PTPRQ: variants seen among roughly 807,000 people sequenced by gnomAD.
The protein encoded by PTPRQ is phosphatidylinositol phosphatase PTPRQ.
Under a neutral mutation model 246.0 loss-of-function variants are expected in PTPRQ, and 199 were observed. That is an observed-to-expected ratio of 0.81 (90% CI 0.72 to 0.91). The LOEUF is 0.91. PTPRQ is among the 40% of genes least tolerant of loss of function. PTPRQ has a pLI of 0.00. For synonymous variants in PTPRQ, 869 were observed against 853.2 expected (o/e 1.02, Z -0.32); for missense variants, 2,624 against 2,528.4 (o/e 1.04, Z -0.81).
chr12:80,622,454 GGTA>G (rs1240489038), intron 33 of PTPRQ, among the ~76,000 whole-genome samples: 1 of 151,974 alleles, frequency 6.6e-6, no homozygotes, highest in Non-Finnish European at 1.5e-5. Flanking sequence ...ATAACAGGAT[GGTA>G]GTGGTGGTGG....
chr12:80,620,123 G>C, intron 31 of PTPRQ, 31 bp from the exon 32 acceptor site: 1 of 1,514,058 alleles, frequency 6.6e-7, no homozygotes, highest in Non-Finnish European at 8.8e-7. Flanking sequence ...ATGTTACTTG[G>C]AATTATTGTT....
chr12:80,501,758 A>G (rs1894805580), intron 14 of PTPRQ, among the ~76,000 whole-genome samples: 2 of 151,978 alleles, frequency 1.3e-5, no homozygotes, highest in African/African-American at 4.8e-5. Context: ...AGCCAAGTGA[A>G]TAAAGATTTT....
chr12:80,644,549 C>T (rs980485682), intron 35 of PTPRQ, among the ~76,000 whole-genome samples: 1 of 151,976 alleles, frequency 6.6e-6, no homozygotes, highest in African/African-American at 2.4e-5. Flanking sequence ...TCACTTCATT[C>T]GAAACTAGCA....
intron 25 of PTPRQ, among the ~76,000 whole-genome samples, chr12:80,572,386 C>T (rs1267621052): frequency 6.6e-6 from 1 of 151,896 alleles, no homozygotes; most frequent in South Asian, 2.1e-4. Flanking sequence ...AAATTTACTT[C>T]TTAGTTCTGG....
intron 23 of PTPRQ, among the ~76,000 whole-genome samples, chr12:80,543,515 T>A (rs1267560070): frequency 6.6e-6 from 1 of 152,076 alleles, no homozygotes; most frequent in Non-Finnish European, 1.5e-5. Context: ...AAGCATTTAT[T>A]TAAGAAAAGT....
intron 28 of PTPRQ, among the ~76,000 whole-genome samples, chr12:80,610,905 C>A (rs1467943204): frequency 6.7e-6 from 1 of 150,344 alleles, no homozygotes; most frequent in Non-Finnish European, 1.5e-5. Flanking sequence ...CTAGTTGTTT[C>A]AGAAATTAAG....
intron 33 of PTPRQ, among the ~76,000 whole-genome samples, chr12:80,631,979 G>A (rs1209385264): frequency 6.6e-6 from 1 of 152,094 alleles, no homozygotes; most frequent in East Asian, 1.9e-4. Flanking sequence ...GCTCACACTG[G>A]GAGTGAGTTT....
chr12:80,535,141 T>A, intron 19 of PTPRQ, 104 bp downstream of exon 19: 1 of 1,125,692 alleles, frequency 8.9e-7, no homozygotes, highest in Non-Finnish European at 1.2e-6. Flanking sequence ...CATTGATAAT[T>A]AGGCACAGAT....
intron 35 of PTPRQ, 36 bp from the exon 36 acceptor site, chr12:80,648,861 T>C: frequency 6.6e-7 from 1 of 1,518,860 alleles, no homozygotes; most frequent in Non-Finnish European, 8.8e-7. Context: ...CTGTCCACTC[T>C]GACTCACAAT....
At chr12:80,505,573 G>T (rs1302637289) in intron 14 of PTPRQ, among the ~76,000 whole-genome samples, 9 of 151,822 alleles carry the variant, frequency 5.9e-5, no homozygotes, top group African/African-American at 2.2e-4. Context: ...TTGCTGCCAG[G>T]TCATAATATG....
chr12:80,504,201 C>G (rs1328881836), intron 14 of PTPRQ, among the ~76,000 whole-genome samples: 1 of 151,606 alleles, frequency 6.6e-6, no homozygotes, highest in African/African-American at 2.4e-5. Flanking sequence ...CCATAACTGT[C>G]TTCTTTGATC....
intron 8 of PTPRQ, among the ~76,000 whole-genome samples, chr12:80,474,307 A>G (rs61511492): frequency 6.6e-6 from 1 of 152,332 alleles, no homozygotes; most frequent in African/African-American, 2.4e-5. Flanking sequence ...ATTTTAAACC[A>G]GTCTATCATC....
chr12:80,486,113 C>G (rs1894267553), intron 9 of PTPRQ, among the ~76,000 whole-genome samples: 1 of 152,086 alleles, frequency 6.6e-6, no homozygotes, highest in East Asian at 1.9e-4. Flanking sequence ...TTCTTCTTCT[C>G]TAAGATAGTG....
At chr12:80,568,181 G>A (rs562668533) in intron 25 of PTPRQ, among the ~76,000 whole-genome samples, 1 of 152,066 alleles carries the variant, frequency 6.6e-6, no homozygotes, top group Admixed American at 6.6e-5. Flanking sequence ...AAAACTTCAA[G>A]TGTCAATTAT....
chr12:80,600,672 G>T (rs913389481), intron 26 of PTPRQ, among the ~76,000 whole-genome samples: 1 of 151,780 alleles, frequency 6.6e-6, no homozygotes, highest in Non-Finnish European at 1.5e-5. Context: ...TGTTACAGAG[G>T]TACATGAATC....
At chr12:80,495,537 C>T (rs1592581634) in intron 12 of PTPRQ, among the ~76,000 whole-genome samples, 166 bp downstream of exon 12, 1 of 152,088 alleles carries the variant, frequency 6.6e-6, no homozygotes, top group East Asian at 1.9e-4. Flanking sequence ...TACCTGCATA[C>T]ATAACTCGAT....
intron 26 of PTPRQ, among the ~76,000 whole-genome samples, chr12:80,603,332 T>A (rs1039092377): frequency 2.6e-5 from 4 of 151,666 alleles, no homozygotes; most frequent in Non-Finnish European, 5.9e-5. Flanking sequence ...GTTGTCTTCC[T>A]AAATCAATGG....
At position 80,670,411 on chromosome 12, in the gene PTPRQ, A is replaced by T. The variant is rs1179593051; in HGVS notation, c.6521A>T (p.Asn2174Ile). 7 of 1,551,198 alleles carry T rather than the reference A, an allele frequency of 4.5e-6. No individual in the cohort carries two copies. Among genetic ancestry groups the T allele is most frequent in the Non-Finnish European group, 5.2e-6 (6 of 1,146,624 alleles). Residue 2174 changes from asparagine (N) to isoleucine (I), a missense_variant, in exon 42 of 45, where the codon AAC (asparagine) becomes ATC (isoleucine). Transcript: ENST00000644991. ...TGGCCAGAGCATGGGGTTCCTGAGA[A>T]CAGCGCCCCTCTAATTCACTTTGTG... Reference protein sequence around the residue: ...TAWPEHGVPENSAPLIHFVKL... With the variant: ...TAWPEHGVPEISAPLIHFVKL...
chr12:80,673,421 C>G (rs1901036871), intron 43 of PTPRQ, 117 bp downstream of exon 43: 1 of 1,413,816 alleles, frequency 7.1e-7, no homozygotes, highest in Non-Finnish European at 9.3e-7. Context: ...TCTTTTCCTA[C>G]ATTATAAGCC....
Sources: allele counts gnomAD v4.1 joint callset (sites outside exome capture counted in the v4.1 genomes callset), GRCh38; gene constraint gnomAD v4.1.1; transcripts MANE v1.5; gene names NCBI Gene and HGNC (gene_info 2026-07-23, HGNC 2026-07-21).